RABGAP1L: variants seen among roughly 807,000 people sequenced by gnomAD.
RABGAP1L encodes the protein RAB GTPase activating protein 1 like, also known as rab GTPase-activating protein 1-like.
In RABGAP1L, 63 loss-of-function variants were observed where a neutral mutation model predicts 137.7. The observed-to-expected ratio is 0.46, with a 90% CI of 0.37 to 0.56. RABGAP1L has a LOEUF of 0.56. RABGAP1L is among the 20% of genes least tolerant of loss of function. RABGAP1L has a pLI of 0.00. For missense variants in RABGAP1L, 1,095 were observed against 1,244.0 expected, an observed-to-expected ratio of 0.88 and a Z score of 1.80; for synonymous variants, 431 against 433.7, an observed-to-expected ratio of 0.99 and a Z score of 0.08.
intron 13 of RABGAP1L, among the ~76,000 whole-genome samples, chr1:174,442,226 A>G (rs529326789): frequency 9.1e-4 from 130 of 143,336 alleles, no homozygotes; most frequent in African/African-American, 3.1e-3. Flanking sequence ...TTTATTTTAA[A>G]TATTTATTTT....
At chr1:174,295,218 T>A (rs1392857452) in intron 10 of RABGAP1L, among the ~76,000 whole-genome samples, 1 of 142,014 alleles carries the variant, frequency 7.0e-6, no homozygotes, top group East Asian at 2.0e-4. Context: ...CGCCCGGACT[T>A]TTTTTTTTTT....
At chr1:174,756,246 T>C (rs1489400600) in intron 18 of RABGAP1L, among the ~76,000 whole-genome samples, 1 of 152,100 alleles carries the variant, frequency 6.6e-6, no homozygotes. Context: ...CCTCCTGGGG[T>C]GCAAGTGATT....
intron 19 of RABGAP1L, among the ~76,000 whole-genome samples, chr1:174,899,948 T>A (rs1448125525): frequency 6.6e-6 from 1 of 152,024 alleles, no homozygotes; most frequent in Non-Finnish European, 1.5e-5. Context: ...GGGGGTAGAA[T>A]AATCTTCAGA....
intron 19 of RABGAP1L, among the ~76,000 whole-genome samples, chr1:174,876,406 AAAAC>A (rs1279111327): frequency 6.6e-6 from 1 of 152,204 alleles, no homozygotes; most frequent in Non-Finnish European, 1.5e-5. Context: ...GGAATATTGA[AAAAC>A]AACTTCAGAG....
At chr1:174,505,781 A>G (rs1320344559) in intron 13 of RABGAP1L, among the ~76,000 whole-genome samples, 1 of 152,236 alleles carries the variant, frequency 6.6e-6, no homozygotes, top group Non-Finnish European at 1.5e-5. Context: ...CATAGGATCC[A>G]GTAATCCCAA....
chr1:174,641,323 G>GT (rs1349211490), intron 14 of RABGAP1L, among the ~76,000 whole-genome samples: 43 of 152,192 alleles, frequency 2.8e-4, no homozygotes, highest in Admixed American at 5.9e-4. Flanking sequence ...GTCAATTCCA[G>GT]TTTTGCCTCT....
chr1:174,918,612 G>A (rs560801369), intron 19 of RABGAP1L, among the ~76,000 whole-genome samples: 4 of 152,070 alleles, frequency 2.6e-5, no homozygotes, highest in African/African-American at 7.2e-5. Context: ...GTGAAACCTC[G>A]TCTCTAGAAA....
intron 13 of RABGAP1L, among the ~76,000 whole-genome samples, chr1:174,498,200 A>G (rs906583319): frequency 3.3e-5 from 5 of 152,168 alleles, no homozygotes; most frequent in African/African-American, 1.2e-4. Flanking sequence ...ATATTCAACA[A>G]AAGAAGAGTG....
At chr1:174,560,834 G>A (rs1002864761) in intron 13 of RABGAP1L, among the ~76,000 whole-genome samples, 8 of 152,036 alleles carry the variant, frequency 5.3e-5, no homozygotes, top group Non-Finnish European at 1.0e-4. Context: ...TTCTGTTCCC[G>A]TGTTAATTTG....
At chr1:174,406,353 G>A (rs1372231669) in intron 13 of RABGAP1L, among the ~76,000 whole-genome samples, 1 of 152,064 alleles carries the variant, frequency 6.6e-6, no homozygotes, top group Non-Finnish European at 1.5e-5. Flanking sequence ...CTTCAAATGT[G>A]TTTAATAGTT....
At chr1:174,605,438 G>A (rs1047525130) in intron 13 of RABGAP1L, among the ~76,000 whole-genome samples, 6 of 151,994 alleles carry the variant, frequency 3.9e-5, no homozygotes, top group African/African-American at 1.5e-4. Flanking sequence ...GCTTTTACTG[G>A]ACCACTTCCT....
At position 174,445,326 on chromosome 1, in the gene RABGAP1L, A is replaced by T. The variant is rs554931497; in HGVS notation, c.1710+51181A>T. Among the ~76,000 whole-genome samples the T allele has an allele frequency of 4.6e-5, 7 of 152,310 alleles. 1 individual carries two copies. The highest frequency in any genetic ancestry group is 2.6e-4 in the Admixed American group (4 of 15,294). On this transcript the variant is annotated intron_variant, in intron 13 of 25. Transcript: ENST00000681986. ...CAAATATTTGATTAAATTAATTTGCATTGTTCTAATTTAGGTATGTGTAGC... is the reference window on the plus strand; with the variant it reads ...CAAATATTTGATTAAATTAATTTGCTTTGTTCTAATTTAGGTATGTGTAGC...
At chr1:174,806,616 T>C (rs1689323938) in intron 18 of RABGAP1L, among the ~76,000 whole-genome samples, 2 of 152,100 alleles carry the variant, frequency 1.3e-5, no homozygotes, top group South Asian at 4.1e-4. Flanking sequence ...TCTAAAAAAG[T>C]AACAACAATA....
chr1:174,978,990 G>A, intron 23 of RABGAP1L, 100 bp downstream of exon 23: 1 of 1,350,420 alleles, frequency 7.4e-7, no homozygotes, highest in Non-Finnish European at 9.5e-7. Context: ...ACTAGCCTGA[G>A]CAACATAGCA....
chr1:174,974,109 C>T (rs1670431420), intron 21 of RABGAP1L, among the ~76,000 whole-genome samples: 2 of 151,636 alleles, frequency 1.3e-5, no homozygotes, highest in African/African-American at 4.9e-5. Context: ...CTGCCTCAGC[C>T]TCCTGAGTAG....
chr1:174,601,061 G>A (rs562075625), intron 13 of RABGAP1L, among the ~76,000 whole-genome samples: 25 of 152,296 alleles, frequency 1.6e-4, no homozygotes, highest in East Asian at 1.9e-4. Flanking sequence ...TGGTGCACCC[G>A]CAGGCTCAAC....
chr1:174,734,812 A>G (rs192624995), intron 17 of RABGAP1L, among the ~76,000 whole-genome samples: 90 of 152,194 alleles, frequency 5.9e-4, no homozygotes, highest in Non-Finnish European at 7.4e-5. Flanking sequence ...AAATACAAAT[A>G]ATTTTTGCTT....
At chr1:174,301,784 G>T (rs939752308) in intron 10 of RABGAP1L, among the ~76,000 whole-genome samples, 1 of 152,032 alleles carries the variant, frequency 6.6e-6, no homozygotes, top group African/African-American at 2.4e-5. Flanking sequence ...TTAAAACAAA[G>T]GCAACACTCA....
chr1:174,583,057 C>T (rs1485841609), intron 13 of RABGAP1L, among the ~76,000 whole-genome samples: 2 of 152,040 alleles, frequency 1.3e-5, no homozygotes, highest in Non-Finnish European at 2.9e-5. Context: ...TTCCTTTTTC[C>T]AGAGCCTTAA....
Sources: gnomAD v4.1 joint callset for allele counts (sites outside exome capture counted in the v4.1 genomes callset) on GRCh38, gnomAD v4.1.1 for gene constraint, MANE v1.5 for transcripts, NCBI Gene and HGNC (gene_info 2026-07-23, HGNC 2026-07-21) for gene names.